POLDIP2: variants seen among roughly 807,000 people sequenced by gnomAD.
POLDIP2 encodes the protein polymerase delta-interacting protein 2.
Under a neutral mutation model 52.9 loss-of-function variants are expected in POLDIP2, and 32 were observed. That is an observed-to-expected ratio of 0.61 (90% confidence interval 0.46 to 0.81). The LOEUF is 0.81. Among genes scored for constraint, POLDIP2 ranks in the 40% least tolerant of loss-of-function variants. POLDIP2 has a pLI of 0.00. For missense variants in POLDIP2, 371 were observed against 477.3 expected (o/e 0.78, Z 2.07); for synonymous variants, 183 against 183.0 (o/e 1.00, Z 0.00).
At chr17:28,351,996 CCT>C (rs1412627090) in intron 6 of POLDIP2, among the ~76,000 whole-genome samples, 196 bp from the exon 7 acceptor site, 1 of 152,102 alleles carries the variant, frequency 6.6e-6, no homozygotes, top group African/African-American at 2.4e-5. Flanking sequence ...AAGAATAAGC[CCT>C]GAGGAGCTAG....
At chr17:28,348,337 T>C in intron 10 of POLDIP2, 106 bp from the exon 11 acceptor site, 1 of 689,650 alleles carries the variant, frequency 1.5e-6, no homozygotes. Flanking sequence ...CATGTGAGCC[T>C]GAGCTCTCTT....
Position 28,348,199 on chromosome 17 carries a change from G to C in POLDIP2, c.1025C>G (p.Ser342Cys). ...GGGAGGAATCCGAACATCAAAGTGG[G>C]AGCCATCAGGTCTTTCAAAGCGGAA... is the stretch of plus-strand genomic sequence containing the variant. ...GTFRFERPDG[S>C]HFDVRIPPFS... Residue 342 changes from serine (S) to cysteine (C), a missense_variant, in exon 11 of 11, where the codon TCC becomes TGC. Physicochemically the swap from Ser to Cys is moderately radical, Grantham distance 112. Coordinates refer to ENST00000540200, the MANE Select transcript of POLDIP2 (RefSeq NM_015584.5). 1 of 1,613,864 alleles carries C rather than the reference G, an allele frequency of 6.2e-7. No homozygotes were observed. Among genetic ancestry groups the C allele is most frequent in the Non-Finnish European group, 8.5e-7 (1 of 1,179,774 alleles).
intron 9 of POLDIP2, among the ~76,000 whole-genome samples, chr17:28,349,694 AC>A (rs1555579617): frequency 1.3e-5 from 2 of 152,142 alleles, no homozygotes; most frequent in Non-Finnish European, 2.9e-5. Flanking sequence ...GGCGGGGACC[AC>A]GGCAGGTACT....
At chr17:28,349,408 G>A (rs1192158001) in intron 9 of POLDIP2, among the ~76,000 whole-genome samples, 1 of 150,230 alleles carries the variant, frequency 6.7e-6, no homozygotes, top group Non-Finnish European at 1.5e-5. Context: ...GAAGGCACTG[G>A]GCAAAGGACC....
chr17:28,348,446 A>T lies in POLDIP2; in HGVS notation c.993-215T>A, dbSNP rs3093716. On this transcript the variant is annotated intron_variant, in intron 10 of 10. Coordinates refer to ENST00000540200, the MANE Select transcript of POLDIP2 (RefSeq NM_015584.5). ...ACACAGCTGCAGTGGCTCACGCCTG[A>T]AATCCCAGCATTTTGGGAGGCTGAT... 6.3e-3 allele frequency among the ~76,000 whole-genome samples: 961 copies of T among 152,336 alleles called. 13 individuals are homozygous for T. Among genetic ancestry groups the T allele is most frequent in the African/African-American group, 0.022 (918 of 41,580 alleles).
At chr17:28,352,152 ATC>A (rs1187502576) in intron 6 of POLDIP2, among the ~76,000 whole-genome samples, 39 of 151,736 alleles carry the variant, frequency 2.6e-4, no homozygotes, top group African/African-American at 9.4e-4. Context: ...GCCATCTGTC[ATC>A]TGTCAGGTAT....
At chr17:28,353,073 G>A (rs1180449138) in intron 5 of POLDIP2, 54 bp from the exon 6 acceptor site, 3 of 795,164 alleles carry the variant, frequency 3.8e-6, no homozygotes, top group Middle Eastern at 2.2e-4. Context: ...GGAGAGAGAT[G>A]GGGTTGAGAA....
intron 9 of POLDIP2, among the ~76,000 whole-genome samples, chr17:28,349,556 T>G (rs1555579557): frequency 1.3e-5 from 2 of 152,100 alleles, no homozygotes; most frequent in Non-Finnish European, 1.5e-5. Flanking sequence ...GGAGGATTGC[T>G]TGAGCCCAGA....
Position 28,353,272 on chromosome 17 carries a change from A to G in POLDIP2, c.483T>C (p.His161=). Residue 161 remains histidine (H), a synonymous_variant, in exon 5 of 11, where the codon CAT becomes CAC. Coordinates refer to ENST00000540200, the MANE Select transcript of POLDIP2 (RefSeq NM_015584.5). ...QTEAVTFLAN[H]DDSRALYAIP... ...TGGCATAGAGGGCCCGACTGTCATC[A>G]TGGTTAGCCAAGAAGGTCACAGCTT... 1 of 1,597,254 alleles carries G rather than the reference A, an allele frequency of 6.3e-7. No homozygotes were observed. The highest frequency in any genetic ancestry group is 1.1e-5 in the South Asian group (1 of 89,714).
At chr17:28,348,569 G>A (rs539337996) in intron 10 of POLDIP2, among the ~76,000 whole-genome samples, 135 of 152,252 alleles carry the variant, frequency 8.9e-4, no homozygotes, top group African/African-American at 3.1e-3. Flanking sequence ...AAAATTAGCC[G>A]GGCGTGGTGG....
At chr17:28,352,230 A>ATTAT (rs1368112519) in intron 6 of POLDIP2, among the ~76,000 whole-genome samples, 1 of 66,512 alleles carries the variant, frequency 1.5e-5, no homozygotes, top group East Asian at 1.3e-3. Flanking sequence ...GAGCGTTGGA[A>ATTAT]TTATTTCTTT....
At chr17:28,348,982 T>C in intron 10 of POLDIP2, 101 bp downstream of exon 10, 2 of 726,240 alleles carry the variant, frequency 2.8e-6, no homozygotes, top group Non-Finnish European at 4.7e-6. Flanking sequence ...AGAATGTAAC[T>C]TGGCCCAGAG....
rs144691260 is a variant in POLDIP2, at chr17:28,352,829, G to A, written c.622+83C>T. On this transcript the variant is annotated intron_variant, in intron 6 of 10. Coordinates refer to ENST00000540200, the MANE Select transcript of POLDIP2 (RefSeq NM_015584.5). ...GCTGGGATTACAGGCGTGAGCCACCGTGCCCGGCCCTGGAATTATTTCTAT... is the reference window on the plus strand; with the variant it reads ...GCTGGGATTACAGGCGTGAGCCACCATGCCCGGCCCTGGAATTATTTCTAT... The A allele has an allele frequency of 7.3e-4, 614 of 836,868 alleles. 5 individuals carry two copies. Among genetic ancestry groups the A allele is most frequent in the Middle Eastern group, 4.3e-3 (19 of 4,444 alleles). 51.8% of individuals were successfully genotyped at this position (836,868 alleles called of 1,614,324 possible).
intron 2 of POLDIP2, among the ~76,000 whole-genome samples, chr17:28,355,248 G>A (rs1023937997): frequency 6.6e-5 from 10 of 152,190 alleles, no homozygotes; most frequent in African/African-American, 2.2e-4. Context: ...ACATTAACTT[G>A]GAAAGAGAAC....
chr17:28,350,345 C>G (rs1427586367), intron 9 of POLDIP2, 93 bp downstream of exon 9: 3 of 1,104,696 alleles, frequency 2.7e-6, no homozygotes, highest in Admixed American at 6.1e-5. Context: ...ACAAAGTGAG[C>G]CTCTGTCTAT....
Position 28,357,503 on chromosome 17 carries a change from C to T in POLDIP2, c.-55G>A. ...ACACAGAGCCCGACCCGCGGCCGGG[C>T]GGCGTTCCGCCCCAGTCCCACACTG... On this transcript the variant is annotated 5_prime_UTR_variant, in exon 1 of 11. Transcript: ENST00000540200. 7.0e-7 allele frequency: 1 copy of T among 1,433,758 alleles called. No individual in the cohort carries two copies. The highest frequency in any genetic ancestry group is 9.1e-7 in the Non-Finnish European group (1 of 1,104,516). 88.8% of individuals were successfully genotyped at this position (1,433,758 alleles called of 1,614,324 possible).
chr17:28,354,726 G>C, intron 2 of POLDIP2, 141 bp from the exon 3 acceptor site: 1 of 654,484 alleles, frequency 1.5e-6, no homozygotes, highest in Non-Finnish European at 2.8e-6. Flanking sequence ...TGATCAACCA[G>C]ACCAATGCTG....
rs1908108700 is a variant in POLDIP2, at chr17:28,357,444, G to A, written c.5C>T (p.Ala2Val). Residue 2 changes from alanine to valine, a missense_variant, in exon 1 of 11, where the codon GCA becomes GTA. By Grantham distance (64) the Ala-to-Val change is moderately conservative. Coordinates refer to ENST00000540200, the MANE Select transcript of POLDIP2 (RefSeq NM_015584.5). Reference protein sequence around the residue: MAACTARRALAV... With the variant: MVACTARRALAV... Reference sequence around the variant, plus strand: ...CAGGGCCCGCCGGGCTGTACAGGCTGCCATGTCCCGCCCGAGCGCCCGCCC... The same window carrying A: ...CAGGGCCCGCCGGGCTGTACAGGCTACCATGTCCCGCCCGAGCGCCCGCCC... The A allele has an allele frequency of 1.4e-6, 2 of 1,445,512 alleles. No individual in the cohort carries two copies. The highest frequency in any genetic ancestry group is 2.7e-5 in the East Asian group (1 of 36,922). 89.5% of individuals were successfully genotyped at this position (1,445,512 alleles called of 1,614,324 possible).
chr17:28,352,143 C>T (rs1412726803), intron 6 of POLDIP2, among the ~76,000 whole-genome samples: 1 of 151,888 alleles, frequency 6.6e-6, no homozygotes, highest in Non-Finnish European at 1.5e-5. Context: ...GAAATAACTG[C>T]CATCTGTCAT....
Sources: allele counts gnomAD v4.1 joint callset (sites outside exome capture counted in the v4.1 genomes callset), GRCh38; gene constraint gnomAD v4.1.1; transcripts MANE v1.5; gene names NCBI Gene and HGNC (gene_info 2026-07-23, HGNC 2026-07-21).